Variants in ATP8A1 observed in about 807,000 individuals in gnomAD.
ATP8A1 encodes the protein phospholipid-transporting ATPase IA.
A neutral mutation model predicts 177.7 loss-of-function variants in ATP8A1; 90 were observed. The ratio of observed to expected loss-of-function variants is 0.51; its 90% CI spans 0.43 to 0.60. The LOEUF is 0.60. Among genes scored for constraint, ATP8A1 ranks in the 20% least tolerant of loss-of-function variants. The probability of loss-of-function intolerance (pLI) is 0.00; values close to 1 mark genes in which losing one functional copy is unlikely to be tolerated. For missense variants in ATP8A1, 1,072 were observed against 1,392.8 expected (o/e 0.77, Z 3.67); for synonymous variants, 493 against 485.9 (o/e 1.01, Z -0.19).
intron 33 of ATP8A1, among the ~76,000 whole-genome samples, chr4:42,438,115 A>C (rs1716197677): frequency 6.6e-6 from 1 of 152,190 alleles, no homozygotes; most frequent in Non-Finnish European, 1.5e-5. Flanking sequence ...GGGGAAAGAA[A>C]AGATGAGAGA....
At chr4:42,521,439 C>T (rs1280009140) in intron 22 of ATP8A1, among the ~76,000 whole-genome samples, 1 of 152,124 alleles carries the variant, frequency 6.6e-6, no homozygotes, top group Non-Finnish European at 1.5e-5. Context: ...CTATGAACAG[C>T]ACCTGGCACA....
intron 24 of ATP8A1, among the ~76,000 whole-genome samples, chr4:42,487,556 C>T (rs1578033042): frequency 6.6e-6 from 1 of 151,876 alleles, no homozygotes; most frequent in African/African-American, 2.4e-5. Flanking sequence ...AATATACCTA[C>T]AATAAAAATA....
intron 7 of ATP8A1, 44 bp downstream of exon 7, chr4:42,590,767 G>T: frequency 1.3e-6 from 2 of 1,560,116 alleles, no homozygotes; most frequent in Non-Finnish European, 1.8e-6. Context: ...GGTTTACGGT[G>T]AGGACCCACA....
At chr4:42,614,602 C>T (rs772792147) in intron 5 of ATP8A1, among the ~76,000 whole-genome samples, 7 of 152,282 alleles carry the variant, frequency 4.6e-5, no homozygotes, top group Non-Finnish European at 7.4e-5. Context: ...CGGCCTGTCT[C>T]GTTTTGGCTC....
At chr4:42,600,954 G>A (rs1166202102) in intron 5 of ATP8A1, among the ~76,000 whole-genome samples, 4 of 150,212 alleles carry the variant, frequency 2.7e-5, no homozygotes, top group Non-Finnish European at 5.9e-5. Flanking sequence ...AAAGCCAACA[G>A]AGAAAGAATT....
chr4:42,532,856 C>T (rs1395374066), intron 20 of ATP8A1, among the ~76,000 whole-genome samples: 5 of 152,132 alleles, frequency 3.3e-5, no homozygotes, highest in Admixed American at 6.5e-5. Context: ...CTGCCCCACC[C>T]TAACTGATAC....
rs149237266 is a variant in ATP8A1 at position 42,520,717 on chromosome 4, A to C, written c.1947+1443T>G. ...GCTATCCCATGTCTTTTCATAAGTA[A>C]GCAGAATAAAAAGTTCAAATATAAG... is the stretch of plus-strand genomic sequence containing the variant. On this transcript the variant is annotated intron_variant, in intron 22 of 36. Coordinates refer to ENST00000381668, the MANE Select transcript of ATP8A1 (RefSeq NM_006095.2). 6.0e-4 allele frequency among the ~76,000 whole-genome samples: 91 copies of C among 152,286 alleles called. No individual in the cohort carries two copies. In the East Asian group the frequency reaches 0.017, roughly 28 times the overall value.
At chr4:42,617,335 C>G (rs142900243) in intron 4 of ATP8A1, among the ~76,000 whole-genome samples, 162 of 152,268 alleles carry the variant, frequency 1.1e-3, no homozygotes, top group Admixed American at 3.0e-3. Context: ...CACAGACATG[C>G]AGGAACACAA....
At position 42,625,527 on chromosome 4, in the gene ATP8A1, C is replaced by T. The variant is rs1737970526; in HGVS notation, c.264+87G>A. On this transcript the variant is annotated intron_variant, in intron 3 of 36. Coordinates refer to ENST00000381668, the MANE Select transcript of ATP8A1 (RefSeq NM_006095.2). ...CCACCAAAACCAGCTTATCTCTCGG[C>T]ATTTACATAAACCTCAGGGGATTGG... 1.1e-5 allele frequency: 9 copies of T among 841,142 alleles called. No individual in the cohort carries two copies. The Admixed American group carries it at 1.5e-4, about 14-fold the overall frequency. The allele number at this position is 841,142 out of a possible 1,614,324, so 52.1% of individuals were successfully genotyped here.
intron 1 of ATP8A1, among the ~76,000 whole-genome samples, chr4:42,634,276 C>A (rs1256944416): frequency 6.6e-6 from 1 of 152,112 alleles, no homozygotes; most frequent in Non-Finnish European, 1.5e-5. Context: ...CACGCAAAAG[C>A]CCAAGACATG....
At position 42,435,461 on chromosome 4, in the gene ATP8A1, A is replaced by AAAAAC. The variant is rs1553871738; in HGVS notation, c.3123+8103_3123+8104insGTTTT. 6.5e-3 allele frequency among the ~76,000 whole-genome samples: 792 copies of AAAAAC among 122,148 alleles called. 35 individuals are homozygous for AAAAAC. The highest frequency in any genetic ancestry group is 0.013 in the East Asian group (49 of 3,910). The allele number at this position is 122,148 out of a possible 152,430, so 80.1% of individuals were successfully genotyped here. A position where few individuals can be genotyped will look rare whatever the true frequency, so the allele number is the denominator to read the frequency against. The stretch of plus-strand genomic sequence containing the variant: ...AAAAAAAAAAAAAACAAAAAAAAAA[A>AAAAAC]AACAAACTATCTCCAGTTATGAGCT... On this transcript the variant is annotated intron_variant, in intron 33 of 36. Coordinates refer to ENST00000381668, the MANE Select transcript of ATP8A1 (RefSeq NM_006095.2).
intron 22 of ATP8A1, among the ~76,000 whole-genome samples, chr4:42,510,857 G>C (rs527926964): frequency 1.3e-5 from 2 of 152,264 alleles, no homozygotes; most frequent in South Asian, 4.1e-4. Context: ...AGGTAAAAGA[G>C]AAACATTTTC....
intron 9 of ATP8A1, among the ~76,000 whole-genome samples, chr4:42,583,988 G>A (rs952150333): frequency 6.6e-6 from 1 of 152,202 alleles, no homozygotes; most frequent in Non-Finnish European, 1.5e-5. Context: ...TTCATGGAAC[G>A]ATCACTCTGT....
At chr4:42,449,482 G>C (rs1384911848) in intron 30 of ATP8A1, among the ~76,000 whole-genome samples, 1 of 152,168 alleles carries the variant, frequency 6.6e-6, no homozygotes, top group Non-Finnish European at 1.5e-5. Context: ...GAACTGCTGA[G>C]GCAAAGGAAT....
intron 14 of ATP8A1, among the ~76,000 whole-genome samples, chr4:42,570,178 A>G (rs1378833251): frequency 6.6e-6 from 1 of 152,178 alleles, no homozygotes; most frequent in Non-Finnish European, 1.5e-5. Flanking sequence ...CTCTTCCACT[A>G]CCAAAACATT....
intron 5 of ATP8A1, among the ~76,000 whole-genome samples, chr4:42,614,307 C>T (rs1257823915): frequency 6.6e-6 from 1 of 152,140 alleles, no homozygotes; most frequent in African/African-American, 2.4e-5. Context: ...TCAATAATTG[C>T]CAGTCACTGA....
intron 1 of ATP8A1, among the ~76,000 whole-genome samples, chr4:42,634,095 C>T (rs552109533): frequency 3.9e-5 from 6 of 152,236 alleles, no homozygotes; most frequent in East Asian, 3.9e-4. Context: ...AAGACCATTT[C>T]GAGGACACTG....
chr4:42,584,037 C>G (rs1291201336), intron 9 of ATP8A1, among the ~76,000 whole-genome samples: 1 of 152,212 alleles, frequency 6.6e-6, no homozygotes, highest in African/African-American at 2.4e-5. Context: ...TCACGGATTA[C>G]AGGAAAGCTT....
At chr4:42,656,339 C>G (rs1741614535) in intron 1 of ATP8A1, among the ~76,000 whole-genome samples, 1 of 152,148 alleles carries the variant, frequency 6.6e-6, no homozygotes, top group Admixed American at 6.5e-5. Context: ...GGAACCCACT[C>G]GGCACCCGAC....
Sources: allele counts gnomAD v4.1 joint callset (sites outside exome capture counted in the v4.1 genomes callset), GRCh38; gene constraint gnomAD v4.1.1; transcripts MANE v1.5; gene names NCBI Gene and HGNC (gene_info 2026-07-23, HGNC 2026-07-21).